Variants in C8orf34 observed in about 807,000 individuals in gnomAD.
C8orf34 encodes uncharacterized protein C8orf34.
A neutral mutation model predicts 68.3 loss-of-function variants in C8orf34; 65 were observed. The observed-to-expected ratio is 0.95, with a 90% CI of 0.78 to 1.17. The LOEUF (loss-of-function observed/expected upper bound fraction) is 1.17, where lower values mean the gene tolerates loss of function less well. C8orf34 is among the 50% of genes most tolerant of loss of function. The probability of loss-of-function intolerance (pLI) is 0.00; values close to 1 mark genes in which losing one functional copy is unlikely to be tolerated. For synonymous variants in C8orf34, 244 were observed against 241.2 expected (o/e 1.01, Z -0.11); for missense variants, 664 against 655.4 (o/e 1.01, Z -0.14).
intron 7 of C8orf34, among the ~76,000 whole-genome samples, chr8:68,579,623 C>T (rs181951072): frequency 2.7e-4 from 41 of 152,268 alleles, no homozygotes; most frequent in Admixed American, 1.9e-3. Context: ...ATTCCAAGTG[C>T]GCTCTGCAGA....
intron 6 of C8orf34, among the ~76,000 whole-genome samples, chr8:68,529,197 C>T (rs1815143352): frequency 1.3e-5 from 2 of 152,194 alleles, no homozygotes; most frequent in African/African-American, 4.8e-5. Flanking sequence ...TGCACTGACC[C>T]CTCATTTTGC....
chr8:68,680,926 C>T (rs1014270811), intron 8 of C8orf34, among the ~76,000 whole-genome samples: 3 of 151,946 alleles, frequency 2.0e-5, no homozygotes, highest in Admixed American at 1.3e-4. Flanking sequence ...CCAGAGCGGC[C>T]GTGTATAGAC....
At chr8:68,671,436 G>T (rs1306963488) in intron 8 of C8orf34, among the ~76,000 whole-genome samples, 5 of 152,080 alleles carry the variant, frequency 3.3e-5, no homozygotes, top group Admixed American at 3.3e-4. Context: ...TACTTTAATG[G>T]CATGTTAGAG....
chr8:68,816,032 G>C, intron 13 of C8orf34, 87 bp downstream of exon 13: 3 of 1,602,152 alleles, frequency 1.9e-6, no homozygotes, highest in South Asian at 2.2e-5. Context: ...AAAAAAGTAC[G>C]TAGTCCTCAT....
intron 8 of C8orf34, among the ~76,000 whole-genome samples, chr8:68,678,105 G>A (rs756324277): frequency 2.0e-5 from 3 of 152,038 alleles, no homozygotes; most frequent in Admixed American, 6.6e-5. Context: ...CTCCTAGCCT[G>A]GCACCTGATG....
rs374541506 is a variant in C8orf34, at chr8:68,521,988, G to A, written c.938+17G>A. ...TGCAGGAAGGTGAGATGAGCTGTCT[G>A]CTGAGATTCTATATTACTAGTCATT... is the stretch of plus-strand genomic sequence containing the variant. On this transcript the variant is annotated intron_variant, in intron 6 of 13. Transcript: ENST00000518698. 3 of 1,608,590 alleles carry A rather than the reference G, an allele frequency of 1.9e-6. No individual in the cohort carries two copies. The African/African-American group carries it at 4.0e-5, about 22-fold the overall frequency.
chr8:68,744,710 G>A (rs1411907466), intron 10 of C8orf34, among the ~76,000 whole-genome samples: 2 of 152,140 alleles, frequency 1.3e-5, no homozygotes, highest in African/African-American at 4.8e-5. Context: ...AACGAGCAAA[G>A]CCTCCAAGAA....
At chr8:68,414,689 A>G (rs1233415419) in intron 1 of C8orf34, among the ~76,000 whole-genome samples, 1 of 152,156 alleles carries the variant, frequency 6.6e-6, no homozygotes, top group African/African-American at 2.4e-5. Context: ...AGGGTTGTCT[A>G]GAATTATTCA....
chr8:68,786,462 G>A (rs151276451), intron 11 of C8orf34, among the ~76,000 whole-genome samples: 80 of 152,294 alleles, frequency 5.3e-4, no homozygotes, highest in African/African-American at 1.8e-3. Flanking sequence ...AAAGATGAAA[G>A]TATAATTATT....
chr8:68,761,762 T>C (rs941254144), intron 10 of C8orf34, among the ~76,000 whole-genome samples: 1 of 152,216 alleles, frequency 6.6e-6, no homozygotes, highest in Non-Finnish European at 1.5e-5. Flanking sequence ...TGAAATAGCT[T>C]TTTTAGTAGC....
At chr8:68,546,852 TA>T (rs1815901151) in intron 7 of C8orf34, among the ~76,000 whole-genome samples, 1 of 151,278 alleles carries the variant, frequency 6.6e-6, no homozygotes, top group South Asian at 2.1e-4. Context: ...CAAAGAAAAA[TA>T]AAAAGAAAAC....
chr8:68,742,602 C>T (rs531012410), intron 10 of C8orf34, among the ~76,000 whole-genome samples: 8 of 152,256 alleles, frequency 5.3e-5, no homozygotes, highest in South Asian at 4.2e-4. Flanking sequence ...ACTTCTCTTT[C>T]GACTTTCCTG....
chr8:68,796,822 C>CTTTTTT (rs372049123), intron 12 of C8orf34, among the ~76,000 whole-genome samples: 5 of 122,872 alleles, frequency 4.1e-5, no homozygotes, highest in Non-Finnish European at 6.8e-5. Context: ...TTGAGTTCTT[C>CTTTTTT]TTTTTTTTTT....
chr8:68,419,354 A>T (rs1320554827), intron 1 of C8orf34, among the ~76,000 whole-genome samples: 2 of 149,076 alleles, frequency 1.3e-5, no homozygotes, highest in African/African-American at 5.1e-5. Flanking sequence ...ATGTGGAGAA[A>T]TAGGAACACT....
At chr8:68,362,330 A>C (rs923657575) in intron 1 of C8orf34, among the ~76,000 whole-genome samples, 1 of 152,216 alleles carries the variant, frequency 6.6e-6, no homozygotes, top group Non-Finnish European at 1.5e-5. Flanking sequence ...TTTCATCATT[A>C]AAACCAAGAT....
chr8:68,610,861 G>GTTTTTGTTTTTTTT (rs767393143), intron 7 of C8orf34, among the ~76,000 whole-genome samples: 2 of 120,474 alleles, frequency 1.7e-5, no homozygotes, highest in African/African-American at 6.9e-5. Flanking sequence ...TGAATCTTTG[G>GTTTTTGTTTTTTTT]TTTTTTTTTT....
chr8:68,634,334 G>A (rs1286752762), intron 7 of C8orf34, among the ~76,000 whole-genome samples: 1 of 152,176 alleles, frequency 6.6e-6, no homozygotes, highest in Non-Finnish European at 1.5e-5. Flanking sequence ...TAGTCAACAT[G>A]CCAGAATGGC....
intron 10 of C8orf34, among the ~76,000 whole-genome samples, chr8:68,745,277 C>A (rs200682237): frequency 3.3e-5 from 5 of 152,010 alleles, no homozygotes; most frequent in African/African-American, 9.7e-5. Flanking sequence ...CCGCTGCAAA[C>A]TCATGCCAAA....
In C8orf34 at chr8:68,533,070, T is replaced by C; in HGVS notation, c.1026T>C (p.Ser342=). Residue 342 remains serine, a synonymous_variant, in exon 7 of 14, where the codon TCT becomes TCC. Coordinates refer to ENST00000518698, the MANE Select transcript of C8orf34 (RefSeq NM_052958.4). ...KLLAAMLSQD[S]FESIHSPTPS... ...TGGCCGCAATGCTCTCTCAAGATTCTTTTGAGTCCATCCACAGCCCTACCC... is the reference window on the plus strand; with the variant it reads ...TGGCCGCAATGCTCTCTCAAGATTCCTTTGAGTCCATCCACAGCCCTACCC... 3.1e-6 allele frequency: 5 copies of C among 1,613,416 alleles called. No individual in the cohort carries two copies. The South Asian group carries it at 5.5e-5, about 18-fold the overall frequency.
Sources: allele counts gnomAD v4.1 joint callset (sites outside exome capture counted in the v4.1 genomes callset), GRCh38; gene constraint gnomAD v4.1.1; transcripts MANE v1.5; gene names NCBI Gene and HGNC (gene_info 2026-07-23, HGNC 2026-07-21).